The following RAD51B variants were observed in gnomAD, a reference collection of about 807,000 sequenced individuals.
The protein encoded by RAD51B is DNA repair protein RAD51 homolog 2.
Under a neutral mutation model 42.2 loss-of-function variants are expected in RAD51B, and 38 were observed. The observed-to-expected ratio is 0.90, with a 90% confidence interval of 0.70 to 1.18. RAD51B has a LOEUF of 1.18. Ranked by LOEUF, RAD51B falls within the 50% of genes most tolerant of loss-of-function variation. The pLI, the probability that RAD51B is intolerant of heterozygous loss-of-function variation, is 0.00. For missense variants in RAD51B, 373 were observed against 400.7 expected (o/e 0.93, Z 0.59); for synonymous variants, 154 against 145.2 (o/e 1.06, Z -0.43).
At chr14:68,469,370 T>C (rs1234955429) in intron 10 of RAD51B, among the ~76,000 whole-genome samples, 1 of 152,228 alleles carries the variant, frequency 6.6e-6, no homozygotes, top group African/African-American at 2.4e-5. Context: ...CCTTCTAAAA[T>C]GTCTGCTTCT....
At chr14:67,864,800 C>A in intron 4 of RAD51B, 1 of 824,288 alleles carries the variant, frequency 1.2e-6, no homozygotes, top group Non-Finnish European at 1.9e-6. Flanking sequence ...TGGTACATAA[C>A]TAGTGCCAAT....
chr14:68,665,163 A>G (rs1414453103), intron 11 of RAD51B, among the ~76,000 whole-genome samples: 1 of 152,204 alleles, frequency 6.6e-6, no homozygotes, highest in East Asian at 1.9e-4. Flanking sequence ...TTTGTTGGCA[A>G]GACAGCAAGG....
intron 7 of RAD51B, among the ~76,000 whole-genome samples, chr14:67,901,593 A>G (rs1169370780): frequency 2.6e-5 from 4 of 152,182 alleles, no homozygotes; most frequent in Non-Finnish European, 5.9e-5. Context: ...AAGATTAAAC[A>G]TTTCACTGAG....
intron 7 of RAD51B, among the ~76,000 whole-genome samples, chr14:68,026,655 G>A (rs756807655): frequency 2.6e-5 from 4 of 151,924 alleles, no homozygotes; most frequent in Admixed American, 6.6e-5. Flanking sequence ...TCTGATATAA[G>A]AATAGTAACT....
chr14:68,344,149 G>A (rs2082624369), intron 8 of RAD51B, among the ~76,000 whole-genome samples: 1 of 152,160 alleles, frequency 6.6e-6, no homozygotes, highest in African/African-American at 2.4e-5. Context: ...TGGGAAGAGG[G>A]CCACCACCCG....
intron 7 of RAD51B, among the ~76,000 whole-genome samples, chr14:68,087,595 A>G (rs922552114): frequency 1.3e-5 from 2 of 151,732 alleles, no homozygotes; most frequent in Non-Finnish European, 2.9e-5. Flanking sequence ...GGAACCAGAA[A>G]AAAAATCTGG....
chr14:68,344,510 G>T (rs1405579035), intron 8 of RAD51B, among the ~76,000 whole-genome samples: 1 of 152,136 alleles, frequency 6.6e-6, no homozygotes, highest in African/African-American at 2.4e-5. Flanking sequence ...AGCACGGCGT[G>T]GTGGTGGGCG....
intron 7 of RAD51B, among the ~76,000 whole-genome samples, chr14:68,185,712 G>C (rs1360460333): frequency 3.3e-5 from 5 of 152,128 alleles, no homozygotes; most frequent in African/African-American, 1.2e-4. Flanking sequence ...TTCCACTTCA[G>C]ATCATCAGGC....
At chr14:67,853,820 G>A (rs1013918090) in intron 4 of RAD51B, among the ~76,000 whole-genome samples, 3 of 152,098 alleles carry the variant, frequency 2.0e-5, no homozygotes, top group Non-Finnish European at 2.9e-5. Context: ...TTTGACTTAC[G>A]TGAATGTCAC....
At chr14:68,442,918 G>A (rs980247206) in intron 9 of RAD51B, among the ~76,000 whole-genome samples, 6 of 152,160 alleles carry the variant, frequency 3.9e-5, no homozygotes, top group Non-Finnish European at 7.3e-5. Flanking sequence ...AACTGGGGCT[G>A]TGAACACCTA....
chr14:68,261,129 T>C (rs912751301), intron 7 of RAD51B, among the ~76,000 whole-genome samples: 5 of 152,260 alleles, frequency 3.3e-5, no homozygotes, highest in Non-Finnish European at 7.3e-5. Context: ...CTCAAGGCTG[T>C]GTGCTGTGGA....
At chr14:68,316,920 A>G (rs2082074087) in intron 8 of RAD51B, among the ~76,000 whole-genome samples, 1 of 152,224 alleles carries the variant, frequency 6.6e-6, no homozygotes, top group African/African-American at 2.4e-5. Context: ...AAGTCTTGTC[A>G]TCATATAATC....
chr14:68,301,603 T>G (rs113984664), intron 8 of RAD51B, among the ~76,000 whole-genome samples: 97 of 149,186 alleles, frequency 6.5e-4, no homozygotes, highest in East Asian at 2.5e-3. Context: ...TTTTTTTTTT[T>G]TTTTTTTTTT....
At chr14:68,563,331 C>T (rs1889249361) in intron 10 of RAD51B, 1 of 985,290 alleles carries the variant, frequency 1.0e-6, no homozygotes, top group Non-Finnish European at 1.2e-6. Flanking sequence ...CTCCTTCTTC[C>T]CCTCCAGCTC....
At chr14:68,682,930 T>TTTTTTTTTTTGG in intron 11 of RAD51B, 1 of 796,818 alleles carries the variant, frequency 1.3e-6, no homozygotes, top group Non-Finnish European at 1.5e-6. Flanking sequence ...TTTTTTTTTT[T>TTTTTTTTTTTGG]GTATAGGGCA....
chr14:67,998,758 A>G (rs2075429484), intron 7 of RAD51B, among the ~76,000 whole-genome samples: 1 of 152,168 alleles, frequency 6.6e-6, no homozygotes, highest in African/African-American at 2.4e-5. Context: ...CTAGATATTC[A>G]ATGAGGTCTC....
chr14:68,669,073 C>T (rs1052159949), intron 11 of RAD51B, among the ~76,000 whole-genome samples: 19 of 152,240 alleles, frequency 1.2e-4, no homozygotes, highest in African/African-American at 4.3e-4. Context: ...ACTCATGCAA[C>T]TTAAAGTTCC....
chr14:68,585,441 G>A (rs1890413672), intron 10 of RAD51B, among the ~76,000 whole-genome samples: 2 of 152,166 alleles, frequency 1.3e-5, no homozygotes, highest in Admixed American at 1.3e-4. Flanking sequence ...CTCCTGACGA[G>A]GAGCCCCAGG....
At chr14:68,652,145 C>T (rs953448736) in intron 11 of RAD51B, among the ~76,000 whole-genome samples, 2 of 152,324 alleles carry the variant, frequency 1.3e-5, no homozygotes, top group South Asian at 2.1e-4. Context: ...CCTCCCAACA[C>T]GACGCCAACT....
Sources: allele counts gnomAD v4.1 joint callset (sites outside exome capture counted in the v4.1 genomes callset), GRCh38; gene constraint gnomAD v4.1.1; transcripts MANE v1.5; gene names NCBI Gene and HGNC (gene_info 2026-07-23, HGNC 2026-07-21).